PCDH15: variants seen among roughly 807,000 people sequenced by gnomAD.
The protein encoded by PCDH15 is protocadherin related 15.
Under a neutral mutation model 178.5 loss-of-function variants are expected in PCDH15, and 129 were observed. The ratio of observed to expected loss-of-function variants is 0.72; its 90% confidence interval spans 0.63 to 0.84. PCDH15 has a LOEUF of 0.84. Ranked by LOEUF, PCDH15 falls within the 40% of genes least tolerant of loss-of-function variation. PCDH15 has a pLI of 0.00. For missense variants in PCDH15, 2,230 were observed against 2,099.9 expected (o/e 1.06, Z -1.21); for synonymous variants, 800 against 732.0 (o/e 1.09, Z -1.50).
chr10:54,032,125 A>G (rs1429652925), intron 18 of PCDH15, among the ~76,000 whole-genome samples: 1 of 151,764 alleles, frequency 6.6e-6, no homozygotes, highest in African/African-American at 2.4e-5. Context: ...GTGGGCGAAC[A>G]TATTCTTACC....
rs550781474 is a variant in PCDH15, at chr10:54,358,627, G to A, written c.474+10493C>T. ...GCGATTCCTCAGGGATCTAGAACTA[G>A]AAATACCATTTGACCCAGCCATCCC... On this transcript the variant is annotated intron_variant, in intron 5 of 37. Coordinates refer to ENST00000644397, the MANE Select transcript of PCDH15 (RefSeq NM_001384140.1). Among the ~76,000 whole-genome samples, 333 of 152,048 alleles carry A rather than the reference G, an allele frequency of 2.2e-3. 1 individual carries two copies. The highest frequency in any genetic ancestry group is 3.4e-3 in the Middle Eastern group (1 of 294).
intron 6 of PCDH15, among the ~76,000 whole-genome samples, chr10:54,335,269 C>G (rs2133978807): frequency 6.6e-6 from 1 of 152,264 alleles, no homozygotes; most frequent in South Asian, 2.1e-4. Flanking sequence ...ATGTCCCTGG[C>G]TGACAGACAA....
intron 2 of PCDH15, among the ~76,000 whole-genome samples, chr10:54,545,963 G>A (rs2085806387): frequency 6.6e-6 from 1 of 152,232 alleles, no homozygotes; most frequent in South Asian, 2.1e-4. Context: ...AGGAACAAGT[G>A]AGCCAAAGGG....
intron 14 of PCDH15, among the ~76,000 whole-genome samples, chr10:54,139,005 C>A (rs2043138600): frequency 6.6e-6 from 1 of 151,948 alleles, no homozygotes; most frequent in South Asian, 2.1e-4. Flanking sequence ...CCACAATAAG[C>A]AAGCTGGCTT....
At chr10:55,414,496 T>C (rs1185271042) in intron 2 of PCDH15, among the ~76,000 whole-genome samples, 1 of 151,710 alleles carries the variant, frequency 6.6e-6, no homozygotes, top group African/African-American at 2.4e-5. Flanking sequence ...ATTATAGTAG[T>C]ATTAATTCTT....
At position 54,535,486 on chromosome 10, in the gene PCDH15, G is replaced by T. The variant is rs573470119; in HGVS notation, c.92-7609C>A. Among the ~76,000 whole-genome samples the T allele has an allele frequency of 5.0e-4, 76 of 152,052 alleles. 2 individuals carry two copies. In the South Asian group the frequency reaches 0.014, roughly 29 times the overall value. Reference sequence around the variant, plus strand: ...AGCACTTTGGGAGGCCGAGACAGGCGGATCACAAGGTCAGGAGATCGAGAC... The same window carrying T: ...AGCACTTTGGGAGGCCGAGACAGGCTGATCACAAGGTCAGGAGATCGAGAC... On this transcript the variant is annotated intron_variant, in intron 2 of 37. Transcript: ENST00000644397.
chr10:55,118,985 C>T (rs1377021736), intron 2 of PCDH15, among the ~76,000 whole-genome samples: 2 of 152,128 alleles, frequency 1.3e-5, no homozygotes, highest in African/African-American at 4.8e-5. Context: ...CTTGCGGTTG[C>T]TTGAGGACCA....
At chr10:55,419,804 C>G (rs1398914951) in intron 2 of PCDH15, among the ~76,000 whole-genome samples, 1 of 151,406 alleles carries the variant, frequency 6.6e-6, no homozygotes, top group Non-Finnish European at 1.5e-5. Flanking sequence ...TCACATTGGT[C>G]TGCAAAGATT....
intron 1 of PCDH15, among the ~76,000 whole-genome samples, chr10:54,673,115 A>C (rs1285747601): frequency 2.6e-5 from 4 of 152,134 alleles, no homozygotes; most frequent in Non-Finnish European, 5.9e-5. Context: ...ATACATGTCC[A>C]GAATGTGTAG....
upstream of PCDH15, among the ~76,000 whole-genome samples, chr10:54,803,738 T>C (rs1204427707): frequency 6.6e-6 from 1 of 152,208 alleles, no homozygotes; most frequent in African/African-American, 2.4e-5. Context: ...CAATCATAGA[T>C]ACATGAAATT....
intron 2 of PCDH15, among the ~76,000 whole-genome samples, chr10:54,542,053 T>C (rs946235100): frequency 3.3e-5 from 5 of 152,196 alleles, no homozygotes; most frequent in African/African-American, 1.2e-4. Context: ...TAATTACTTA[T>C]TAAAGAACAT....
intron 3 of PCDH15, among the ~76,000 whole-genome samples, chr10:54,406,033 C>A (rs927818450): frequency 6.6e-6 from 1 of 151,782 alleles, no homozygotes; most frequent in Non-Finnish European, 1.5e-5. Context: ...AGAGATGGAG[C>A]CTTATAGAAC....
intron 2 of PCDH15, among the ~76,000 whole-genome samples, chr10:54,586,118 T>C (rs1404333411): frequency 6.6e-6 from 1 of 152,190 alleles, no homozygotes; most frequent in Non-Finnish European, 1.5e-5. Flanking sequence ...ACCTCTGTAA[T>C]ATAATTTTCT....
chr10:55,604,567 A>T (rs1375954203), intron 2 of PCDH15, among the ~76,000 whole-genome samples: 2 of 143,734 alleles, frequency 1.4e-5, no homozygotes, highest in Non-Finnish European at 3.0e-5. Context: ...AGTGCAATCA[A>T]ACTAGAACTC....
At chr10:54,607,898 TAC>T (rs749737324) in intron 2 of PCDH15, 5 of 527,694 alleles carry the variant, frequency 9.5e-6, no homozygotes, top group Non-Finnish European at 1.5e-5. Flanking sequence ...CAAAAGTAAT[TAC>T]AGTTTTTGTC....
intron 2 of PCDH15, among the ~76,000 whole-genome samples, chr10:55,572,037 G>A (rs574073514): frequency 1.3e-5 from 2 of 152,138 alleles, no homozygotes; most frequent in Admixed American, 1.3e-4. Context: ...ATTTTATGAA[G>A]TTGTAAAATA....
chr10:55,279,669 A>C (rs1035089828), intron 1 of PCDH15, among the ~76,000 whole-genome samples: 15 of 152,318 alleles, frequency 9.8e-5, no homozygotes, highest in African/African-American at 3.6e-4. Context: ...TTTCTGCTAT[A>C]TAATACAAAT....
chr10:53,899,689 T>A (rs983201870), intron 26 of PCDH15, among the ~76,000 whole-genome samples: 1 of 152,206 alleles, frequency 6.6e-6, no homozygotes, highest in African/African-American at 2.4e-5. Context: ...TTCCCATTTT[T>A]AAAATCATCT....
intron 3 of PCDH15, among the ~76,000 whole-genome samples, chr10:54,508,490 A>C (rs544587633): frequency 1.1e-4 from 16 of 152,240 alleles, no homozygotes; most frequent in African/African-American, 3.6e-4. Context: ...CCAACCTACT[A>C]AATGTCATAG....
Sources: allele counts gnomAD v4.1 joint callset (sites outside exome capture counted in the v4.1 genomes callset), GRCh38; gene constraint gnomAD v4.1.1; transcripts MANE v1.5; gene names NCBI Gene and HGNC (gene_info 2026-07-23, HGNC 2026-07-21).